The following SMIM7 variants were observed in gnomAD, a reference collection of about 807,000 sequenced individuals.
The protein encoded by SMIM7 is UPF0608 protein C19orf42.
SMIM7 carries 12 observed loss-of-function variants against 13.3 expected under a neutral mutation model. The observed-to-expected ratio is 0.90, with a 90% CI of 0.58 to 1.46. SMIM7 has a LOEUF of 1.46. Among genes scored for constraint, SMIM7 ranks in the 40% most tolerant of loss-of-function variants. The pLI is 0.00. For synonymous variants in SMIM7, 36 were observed against 35.8 expected (o/e 1.01, Z -0.02); for missense variants, 114 against 94.8 (o/e 1.20, Z -0.84).
At chr19:16,659,780 G>C (rs921294411) in intron 2 of SMIM7, 179 bp downstream of exon 2, 16 of 783,466 alleles carry the variant, frequency 2.0e-5, no homozygotes, top group Middle Eastern at 3.7e-4. Context: ...ATGGGTTTAA[G>C]GTCTCTCGGG....
rs763869905 is a variant in SMIM7, at chr19:16,660,074, C to A, written c.26+11G>T. 6.2e-7 allele frequency: 1 copy of A among 1,614,234 alleles called. No homozygotes were observed. Among genetic ancestry groups the A allele is most frequent in the South Asian group, 1.1e-5 (1 of 91,090 alleles). On this transcript the variant is annotated intron_variant, in intron 1 of 4. Transcript: ENST00000487416. Reference sequence around the variant, plus strand: ...GGCTCTCTCTTCCCAGCCTCTGGTCCCCCTAATTACCCGAACAGCAGGATG... The same window carrying A: ...GGCTCTCTCTTCCCAGCCTCTGGTCACCCTAATTACCCGAACAGCAGGATG...
At chr19:16,639,682 T>C (rs560949608) in intron 4 of SMIM7, among the ~76,000 whole-genome samples, 1 of 152,192 alleles carries the variant, frequency 6.6e-6, no homozygotes, top group African/African-American at 2.4e-5. Flanking sequence ...GGCAGAGACC[T>C]GGGGGCAGGT....
Position 16,659,408 on chromosome 19 carries a change from C to T in SMIM7, c.108G>A (p.Arg36=). The T allele has an allele frequency of 6.2e-7, 1 of 1,613,910 alleles. No individual in the cohort carries two copies. Among genetic ancestry groups the T allele is most frequent in the Middle Eastern group, 1.7e-4 (1 of 6,060 alleles). ...KDTQGFGEES[R]EPSTGDNIRE... is the part of the protein sequence containing the mutation. ...ATTAGACCTTACCTGTGCTGGGCTC[C>T]CTGGACTCCTCCCCAAAGCCCTGCG... is the stretch of plus-strand genomic sequence containing the variant. The change falls in exon 3 of 5, where the codon AGG becomes AGA. Residue 36 remains arginine (R), a synonymous_variant. Coordinates refer to ENST00000487416, the MANE Select transcript of SMIM7 (RefSeq NM_024104.4).
At position 16,635,902 on chromosome 19, in the gene SMIM7, AT is replaced by A. The variant is rs1194431499; in HGVS notation, c.*138-4179del. Among the ~76,000 whole-genome samples, 124 of 127,586 alleles carry A rather than the reference AT, an allele frequency of 9.7e-4. 1 individual carries two copies. Among genetic ancestry groups the A allele is most frequent in the African/African-American group, 3.4e-3 (106 of 30,992 alleles). The allele number at this position is 127,586 out of a possible 152,430, so 83.7% of individuals were successfully genotyped here. A position where few individuals can be genotyped will look rare whatever the true frequency, so the allele number is the denominator to read the frequency against. On this transcript the variant is annotated intron_variant and NMD_transcript_variant, in intron 4 of 4. Coordinates refer to the SMIM7 transcript ENST00000465250. Reference sequence around the variant, plus strand: ...CTGTCTCAAAAAAAAAAAAAAAAATATATATATATATATATATATATGTATG... The same window carrying A: ...CTGTCTCAAAAAAAAAAAAAAAAATAATATATATATATATATATATGTATG...
At chr19:16,643,577 A>C (rs1287857295), downstream of SMIM7, among the ~76,000 whole-genome samples, 1 of 152,098 alleles carries the variant, frequency 6.6e-6, no homozygotes, top group African/African-American at 2.4e-5. Context: ...ATGTATGTTT[A>C]GTAGAGATAG....
chr19:16,648,909 G>A (rs2086483367), intron 4 of SMIM7, among the ~76,000 whole-genome samples: 1 of 152,134 alleles, frequency 6.6e-6, no homozygotes, highest in South Asian at 2.1e-4. Flanking sequence ...CCACTACTTA[G>A]GACGCTGAGG....
intron 2 of SMIM7, 152 bp from the exon 3 acceptor site, chr19:16,659,599 G>T: frequency 1.3e-6 from 1 of 762,938 alleles, no homozygotes; most frequent in African/African-American, 1.7e-5. Context: ...ACCCTTCTCT[G>T]GGCCCCCACT....
At chr19:16,649,277 C>T (rs908830157) in intron 4 of SMIM7, among the ~76,000 whole-genome samples, 7 of 151,982 alleles carry the variant, frequency 4.6e-5, no homozygotes, top group South Asian at 2.1e-4. Flanking sequence ...GCCTGGCCAA[C>T]GTGGTAAAAC....
chr19:16,654,405 T>C (rs759147524), intron 3 of SMIM7, among the ~76,000 whole-genome samples: 7 of 152,160 alleles, frequency 4.6e-5, no homozygotes, highest in African/African-American at 7.2e-5. Flanking sequence ...CCTGGGACTT[T>C]TCCCCCAACT....
chr19:16,644,548 C>T (rs12610083), downstream of SMIM7, among the ~76,000 whole-genome samples: 1 of 151,744 alleles, frequency 6.6e-6, no homozygotes, highest in African/African-American at 2.4e-5. Flanking sequence ...AAGCAATTCT[C>T]TGCCTCAGCC....
chr19:16,648,433 G>A (rs1191963869), intron 4 of SMIM7, among the ~76,000 whole-genome samples: 1 of 151,976 alleles, frequency 6.6e-6, no homozygotes, highest in Non-Finnish European at 1.5e-5. Context: ...GAGCCACCAT[G>A]CCTGGCCATT....
chr19:16,640,684 A>G (rs55934241), downstream of SMIM7: 50,306 of 152,026 alleles, frequency 0.33, 12,036 homozygotes, highest in African/African-American at 0.68. Flanking sequence ...TGTAATCCCA[A>G]AACTTCAGGA....
In SMIM7 at chr19:16,660,066, C is replaced by T. The variant is rs747542696; in HGVS notation, c.26+19G>A. 2 of 1,614,234 alleles carry T rather than the reference C, an allele frequency of 1.2e-6. No homozygotes were observed. The highest frequency in any genetic ancestry group is 2.7e-5 in the African/African-American group (2 of 75,084). On this transcript the variant is annotated intron_variant, in intron 1 of 4. Coordinates refer to ENST00000487416, the MANE Select transcript of SMIM7 (RefSeq NM_024104.4). ...TCCTGCCTGGCTCTCTCTTCCCAGC[C>T]TCTGGTCCCCCTAATTACCCGAACA...
At chr19:16,652,802 A>G (rs2086544917) in intron 4 of SMIM7, 2 of 1,531,232 alleles carry the variant, frequency 1.3e-6, no homozygotes, top group South Asian at 2.5e-5. Flanking sequence ...TTCTGGGGGA[A>G]GCATACAGGG....
chr19:16,642,246 C>G (rs866794151), downstream of SMIM7, among the ~76,000 whole-genome samples: 1 of 152,132 alleles, frequency 6.6e-6, no homozygotes, highest in East Asian at 1.9e-4. Context: ...TTTACAATGG[C>G]GTATTTGCAG....
chr19:16,657,326 C>T (rs2086609077), intron 3 of SMIM7, among the ~76,000 whole-genome samples: 1 of 152,204 alleles, frequency 6.6e-6, no homozygotes, highest in African/African-American at 2.4e-5. Context: ...CACTGATGCT[C>T]CTGCCACTTT....
At position 16,660,143 on chromosome 19, in the gene SMIM7, G is replaced by A. The variant is rs372937095; in HGVS notation, c.-33C>T. On this transcript the variant is annotated 5_prime_UTR_variant, in exon 1 of 5. Coordinates refer to ENST00000487416, the MANE Select transcript of SMIM7 (RefSeq NM_024104.4). ...GCCGAAGCGTCCGTCAGAACCGGAA[G>A]CGGAAGCCCCAGGGAGGGAGGGGAG... The A allele has an allele frequency of 6.2e-7, 1 of 1,613,912 alleles. No homozygotes were observed. Among genetic ancestry groups the A allele is most frequent in the Non-Finnish European group, 8.5e-7 (1 of 1,179,960 alleles).
At chr19:16,637,410 T>TGGGAGGATCGCTTGAGCCTGG (rs1366745214) in intron 4 of SMIM7, among the ~76,000 whole-genome samples, 3 of 152,036 alleles carry the variant, frequency 2.0e-5, no homozygotes, top group African/African-American at 7.2e-5. Context: ...GAGGCTGAGG[T>TGGGAGGATCGCTTGAGCCTGG]GGGAGGATCG....
At chr19:16,657,596 TCA>T (rs1388130657) in intron 3 of SMIM7, among the ~76,000 whole-genome samples, 3 of 152,228 alleles carry the variant, frequency 2.0e-5, no homozygotes, top group Admixed American at 1.3e-4. Context: ...TCTCTGACCC[TCA>T]GTTTCCTGAT....
Sources: allele counts gnomAD v4.1 joint callset (sites outside exome capture counted in the v4.1 genomes callset), GRCh38; gene constraint gnomAD v4.1.1; transcripts MANE v1.5; gene names NCBI Gene and HGNC (gene_info 2026-07-23, HGNC 2026-07-21).